Variants in COL11A1 observed in about 807,000 individuals in gnomAD.
The protein encoded by COL11A1 is collagen type XI alpha 1 chain, also known as collagen alpha-1(XI) chain.
COL11A1 carries 74 observed loss-of-function variants against 265.2 expected under a neutral mutation model. That is an observed-to-expected ratio of 0.28 (90% CI 0.23 to 0.34). The LOEUF is 0.34. Among genes scored for constraint, COL11A1 ranks in the 10% least tolerant of loss-of-function variants. The pLI, the probability that COL11A1 is intolerant of heterozygous loss-of-function variation, is 1.00. For synonymous variants in COL11A1, 816 were observed against 727.6 expected (o/e 1.12, Z -1.96); for missense variants, 2,165 against 2,263.6 (o/e 0.96, Z 0.88).
At chr1:103,053,218 A>G (rs553743437) in intron 4 of COL11A1, among the ~76,000 whole-genome samples, 2 of 152,322 alleles carry the variant, frequency 1.3e-5, no homozygotes, top group African/African-American at 4.8e-5. Flanking sequence ...TTGGATCTCT[A>G]TAGAGCTCAG....
At position 103,004,664 on chromosome 1, in the gene COL11A1, G is replaced by A; in HGVS notation, c.1846-3C>T. 6.2e-7 allele frequency: 1 copy of A among 1,607,934 alleles called. No homozygotes were observed. The highest frequency in any genetic ancestry group is 8.5e-7 in the Non-Finnish European group (1 of 1,176,428). ...GGACCTTGAGGACCTCGTTCACCCTGTTAAATCAATACAAATAAGATTAGC... is the reference window on the plus strand; with the variant it reads ...GGACCTTGAGGACCTCGTTCACCCTATTAAATCAATACAAATAAGATTAGC... On this transcript the variant is annotated splice_polypyrimidine_tract_variant and splice_region_variant and intron_variant, in intron 18 of 66. Coordinates refer to ENST00000370096, the MANE Select transcript of COL11A1 (RefSeq NM_001854.4).
chr1:102,976,379 A>G (rs1199364210), intron 35 of COL11A1, among the ~76,000 whole-genome samples: 3 of 131,948 alleles, frequency 2.3e-5, no homozygotes, highest in African/African-American at 8.3e-5. Context: ...GCTCACTGCA[A>G]CCTCCGCCTC....
chr1:103,084,908 T>A (rs1672733668), intron 1 of COL11A1, among the ~76,000 whole-genome samples: 1 of 152,178 alleles, frequency 6.6e-6, no homozygotes, highest in East Asian at 1.9e-4. Flanking sequence ...ACCAAACTTC[T>A]AAATAAAGAC....
intron 55 of COL11A1, 83 bp from the exon 56 acceptor site, chr1:102,898,856 T>A (rs1652788751): frequency 2.2e-6 from 3 of 1,349,160 alleles, no homozygotes; most frequent in Admixed American, 3.8e-5. Flanking sequence ...AAAAAGTAGA[T>A]CAGTTTATGC....
At position 102,935,057 on chromosome 1, in the gene COL11A1, C is replaced by T. The variant is rs372941709; in HGVS notation, c.3492+3G>A. The stretch of plus-strand genomic sequence containing the variant: ...GATTTGCTGAACAATGTGGAATACT[C>T]ACAGCAATTCCAGGGGCACCAACTG... On this transcript the variant is annotated splice_donor_region_variant and intron_variant, in intron 45 of 66. Transcript: ENST00000370096. 1.7e-4 allele frequency: 267 copies of T among 1,613,644 alleles called. No homozygotes were observed. Among genetic ancestry groups the T allele is most frequent in the Non-Finnish European group, 9.9e-5 (117 of 1,179,748 alleles).
chr1:102,934,460 T>A lies in COL11A1; in HGVS notation c.3589A>T (p.Ile1197Leu). 6.2e-7 allele frequency: 1 copy of A among 1,608,316 alleles called. No homozygotes were observed. Among genetic ancestry groups the A allele is most frequent in the Non-Finnish European group, 8.5e-7 (1 of 1,174,692 alleles). ...CAGGATCATCTTACCTGAAGACCTATTGGACCAGGAGGTCCAGGGAAGCCT... is the reference window on the plus strand; with the variant it reads ...CAGGATCATCTTACCTGAAGACCTAATGGACCAGGAGGTCCAGGGAAGCCT... ...ARGFPGPPGP[I>L]GLQGLPGPPG... The change falls in exon 46 of 67, where the codon ATA becomes TTA. Residue 1197 changes from isoleucine to leucine, a missense_variant. Coordinates refer to ENST00000370096, the MANE Select transcript of COL11A1 (RefSeq NM_001854.4).
At chr1:103,062,859 CA>C (rs1163051425) in intron 4 of COL11A1, among the ~76,000 whole-genome samples, 1 of 151,388 alleles carries the variant, frequency 6.6e-6, no homozygotes, top group African/African-American at 2.4e-5. Context: ...AAATAATTGA[CA>C]AAAAAATTGG....
At chr1:102,890,231 C>T (rs186749898) in intron 58 of COL11A1, among the ~76,000 whole-genome samples, 1 of 151,906 alleles carries the variant, frequency 6.6e-6, no homozygotes, top group Non-Finnish European at 1.5e-5. Context: ...TATAATGGAA[C>T]CTTGAGAAGA....
intron 46 of COL11A1, among the ~76,000 whole-genome samples, chr1:102,925,335 G>A (rs763479342): frequency 2.6e-5 from 4 of 151,896 alleles, no homozygotes; most frequent in Non-Finnish European, 5.9e-5. Context: ...TTTTTTCAAT[G>A]CTGGTAATGA....
intron 42 of COL11A1, among the ~76,000 whole-genome samples, chr1:102,942,130 A>C (rs141865877): frequency 6.4e-4 from 98 of 152,314 alleles, no homozygotes; most frequent in African/African-American, 2.3e-3. Context: ...ATGATATTTC[A>C]AATCTATCAA....
chr1:102,879,810 TGATGACA>T lies in COL11A1; in HGVS notation c.5140_5146del (p.Cys1714SerfsTer69). 1 of 1,614,022 alleles carries T rather than the reference TGATGACA, an allele frequency of 6.2e-7. No homozygotes were observed. The highest frequency in any genetic ancestry group is 8.5e-7 in the Non-Finnish European group (1 of 1,179,916). On this transcript the variant is annotated frameshift_variant, in exon 66 of 67. Transcript: ENST00000370096. LOFTEE classifies it high-confidence loss of function. ...TGACACATCATACCAGGCTGCTGAC[TGATGACA>T]GTGGTAGGTGAAATTTTGCCGAGCA...
In COL11A1 at chr1:102,920,472, T is replaced by C. The variant is rs1406314016; in HGVS notation, c.3709-108A>G. 14 of 915,896 alleles carry C rather than the reference T, an allele frequency of 1.5e-5. No individual in the cohort carries two copies. The East Asian group carries it at 3.5e-4, about 23-fold the overall frequency. The allele number at this position is 915,896 out of a possible 1,614,324, so 56.7% of individuals were successfully genotyped here. ...AAAAGAGAAATAGATGCATGAGTAT[T>C]CTTAGTCATTTAAAGAATGAGACTA... On this transcript the variant is annotated intron_variant, in intron 48 of 66. Coordinates refer to ENST00000370096, the MANE Select transcript of COL11A1 (RefSeq NM_001854.4).
intron 41 of COL11A1, among the ~76,000 whole-genome samples, chr1:102,950,941 C>G (rs1386507248): frequency 3.9e-5 from 6 of 152,106 alleles, no homozygotes; most frequent in Non-Finnish European, 8.8e-5. Flanking sequence ...AGGGGCTCTT[C>G]CCCCTTTGCT....
At chr1:102,943,983 T>G (rs1221056429) in intron 42 of COL11A1, among the ~76,000 whole-genome samples, 2 of 152,128 alleles carry the variant, frequency 1.3e-5, no homozygotes, top group East Asian at 3.9e-4. Flanking sequence ...GCCCCTTTCT[T>G]CTTACCTGCT....
intron 4 of COL11A1, among the ~76,000 whole-genome samples, chr1:103,047,475 G>T (rs1669388171): frequency 6.6e-6 from 1 of 152,156 alleles, no homozygotes; most frequent in South Asian, 2.1e-4. Context: ...CTTTGCTGAG[G>T]TTGCTTATCA....
chr1:102,886,685 A>C (rs1038063938), intron 63 of COL11A1, 122 bp downstream of exon 63: 20 of 1,370,104 alleles, frequency 1.5e-5, no homozygotes, highest in Non-Finnish European at 2.0e-5. Context: ...GAAGATAATT[A>C]ATAACTGTTT....
Position 102,923,320 on chromosome 1 carries a change from A to C in COL11A1, c.3654+16T>G. 1 of 1,602,320 alleles carries C rather than the reference A, an allele frequency of 6.2e-7. No individual in the cohort carries two copies. The highest frequency in any genetic ancestry group is 8.5e-7 in the Non-Finnish European group (1 of 1,172,714). On this transcript the variant is annotated intron_variant, in intron 47 of 66. Transcript: ENST00000370096. Reference sequence around the variant, plus strand: ...ATATAACACATACCCATCAAACACCAAAAATAAAAACTTACCATGGGACCA... The same window carrying C: ...ATATAACACATACCCATCAAACACCCAAAATAAAAACTTACCATGGGACCA...
At chr1:102,898,531 A>T in intron 56 of COL11A1, 135 bp downstream of exon 56, 1 of 655,034 alleles carries the variant, frequency 1.5e-6, no homozygotes, top group Admixed American at 2.6e-5. Context: ...TTTTTACATT[A>T]TATTTACAGA....
At chr1:103,035,991 A>G (rs1668337764) in intron 4 of COL11A1, among the ~76,000 whole-genome samples, 1 of 151,882 alleles carries the variant, frequency 6.6e-6, no homozygotes. Context: ...GAATTGTTAT[A>G]AATGAAAAAA....
Sources: gnomAD v4.1 joint callset for allele counts (sites outside exome capture counted in the v4.1 genomes callset) on GRCh38, gnomAD v4.1.1 for gene constraint, MANE v1.5 for transcripts, NCBI Gene and HGNC (gene_info 2026-07-23, HGNC 2026-07-21) for gene names.